NKAIN3: variants seen among roughly 807,000 people sequenced by gnomAD.
NKAIN3 encodes the protein sodium/potassium-transporting ATPase subunit beta-1-interacting protein 3.
Under a neutral mutation model 30.2 loss-of-function variants are expected in NKAIN3, and 25 were observed. The observed-to-expected ratio is 0.83, with a 90% CI of 0.60 to 1.16. NKAIN3 has a LOEUF of 1.16. Among genes scored for constraint, NKAIN3 ranks in the 50% most tolerant of loss-of-function variants. NKAIN3 has a pLI of 0.00. For missense variants in NKAIN3, 225 were observed against 254.1 expected (o/e 0.89, Z 0.78); for synonymous variants, 91 against 89.6 (o/e 1.02, Z -0.09).
chr8:62,374,740 T>C (rs1817023064), intron 1 of NKAIN3, among the ~76,000 whole-genome samples: 1 of 152,216 alleles, frequency 6.6e-6, no homozygotes, highest in Non-Finnish European at 1.5e-5. Flanking sequence ...CCCAAATCAA[T>C]AGAAATTCAA....
chr8:62,263,899 C>A (rs1428174790), intron 1 of NKAIN3, among the ~76,000 whole-genome samples: 3 of 152,162 alleles, frequency 2.0e-5, no homozygotes, highest in African/African-American at 7.2e-5. Context: ...ACAAGAAAGT[C>A]CTGAGTACGA....
chr8:62,641,453 C>G (rs1812306299), intron 3 of NKAIN3, among the ~76,000 whole-genome samples: 1 of 152,088 alleles, frequency 6.6e-6, no homozygotes, highest in African/African-American at 2.4e-5. Context: ...TATGAAATAC[C>G]TTATCACAAT....
intron 4 of NKAIN3, among the ~76,000 whole-genome samples, chr8:62,870,731 A>C (rs961462385): frequency 4.2e-5 from 6 of 143,394 alleles, no homozygotes; most frequent in Middle Eastern, 3.7e-3. Context: ...ATATCTATAT[A>C]TCTATATATA....
chr8:62,823,810 A>AAGGTAGTGTCATTCG (rs1818931835), intron 4 of NKAIN3, among the ~76,000 whole-genome samples: 4 of 152,050 alleles, frequency 2.6e-5, no homozygotes, highest in African/African-American at 4.8e-5. Flanking sequence ...AGTGTCATTC[A>AAGGTAGTGTCATTCG]GGCTCAAGGT....
intron 1 of NKAIN3, among the ~76,000 whole-genome samples, chr8:62,546,985 C>A (rs1177910566): frequency 6.6e-6 from 1 of 152,004 alleles, no homozygotes; most frequent in Admixed American, 6.6e-5. Context: ...TTGTGGAGAC[C>A]TGGTGCAGCT....
intron 5 of NKAIN3, among the ~76,000 whole-genome samples, chr8:62,925,406 T>C (rs1034136349): frequency 6.6e-6 from 1 of 152,136 alleles, no homozygotes; most frequent in African/African-American, 2.4e-5. Context: ...CATAATAAGG[T>C]ATTTGTGCAC....
intron 3 of NKAIN3, among the ~76,000 whole-genome samples, chr8:62,680,139 A>G (rs1243711551): frequency 6.6e-6 from 1 of 152,184 alleles, no homozygotes; most frequent in African/African-American, 2.4e-5. Flanking sequence ...AAAAGCCTCT[A>G]GAAGCTTAGA....
At chr8:62,928,911 C>A (rs1008145398) in intron 5 of NKAIN3, among the ~76,000 whole-genome samples, 1 of 152,102 alleles carries the variant, frequency 6.6e-6, no homozygotes, top group African/African-American at 2.4e-5. Context: ...ACAGGGAGAC[C>A]CCGAGTAGAA....
intron 4 of NKAIN3, among the ~76,000 whole-genome samples, chr8:62,771,256 C>T (rs1816998826): frequency 1.3e-5 from 2 of 151,980 alleles, no homozygotes; most frequent in South Asian, 4.2e-4. Flanking sequence ...AGCAAGATCC[C>T]ATCTCCACAA....
intron 1 of NKAIN3, among the ~76,000 whole-genome samples, chr8:62,383,922 G>A (rs61318422): frequency 6.7e-6 from 1 of 149,730 alleles, no homozygotes; most frequent in South Asian, 2.1e-4. Context: ...CTGGATTTAT[G>A]TATCTTGAAA....
At chr8:62,747,226 C>A in intron 4 of NKAIN3, 97 bp downstream of exon 4, 2 of 703,130 alleles carry the variant, frequency 2.8e-6, no homozygotes, top group South Asian at 1.9e-5. Flanking sequence ...CAGATAAGCA[C>A]ACAGAGAACA....
chr8:62,668,683 A>G (rs1813207153), intron 3 of NKAIN3, among the ~76,000 whole-genome samples: 1 of 152,224 alleles, frequency 6.6e-6, no homozygotes, highest in African/African-American at 2.4e-5. Flanking sequence ...ATTTGCTTAA[A>G]AATAAACCTG....
At chr8:62,336,082 T>C (rs554330283) in intron 1 of NKAIN3, among the ~76,000 whole-genome samples, 1 of 152,182 alleles carries the variant, frequency 6.6e-6, no homozygotes, top group Admixed American at 6.5e-5. Flanking sequence ...TAAAACCATA[T>C]TGTACAAGTA....
chr8:62,258,285 T>C (rs1189614691), intron 1 of NKAIN3, among the ~76,000 whole-genome samples: 1 of 152,230 alleles, frequency 6.6e-6, no homozygotes, highest in Non-Finnish European at 1.5e-5. Context: ...CAAATCTACA[T>C]GTGCATACTT....
chr8:62,663,855 A>G (rs1813018972), intron 3 of NKAIN3, among the ~76,000 whole-genome samples: 1 of 152,208 alleles, frequency 6.6e-6, no homozygotes, highest in Admixed American at 6.5e-5. Flanking sequence ...ATGATCCTCC[A>G]TGAGTATTTG....
At chr8:62,611,266 G>A (rs187888126) in intron 3 of NKAIN3, among the ~76,000 whole-genome samples, 334 of 152,086 alleles carry the variant, frequency 2.2e-3, no homozygotes, top group African/African-American at 7.4e-3. Flanking sequence ...AGCACAACAT[G>A]GAAAATGAGG....
In NKAIN3 at chr8:62,304,409, CT is replaced by C. The variant is rs996203260; in HGVS notation, c.54+55288del. On this transcript the variant is annotated intron_variant, in intron 1 of 6. Transcript: ENST00000623646. ...TTAGGACAAAGTAGTCATCTACATG[CT>C]TTTTTCCCCCTTTTAGTATGATTTG... 8.6e-5 allele frequency among the ~76,000 whole-genome samples: 13 copies of C among 150,426 alleles called. No individual in the cohort carries two copies. In the South Asian group the frequency reaches 2.5e-3, roughly 29 times the overall value.
At position 62,958,437 on chromosome 8, in the gene NKAIN3, A is replaced by T. The variant is rs955963513; in HGVS notation, c.603+4465A>T. 5.9e-5 allele frequency among the ~76,000 whole-genome samples: 9 copies of T among 152,070 alleles called. No individual in the cohort carries two copies. In the East Asian group the frequency reaches 1.2e-3, roughly 20 times the overall value. ...TCACCATAACTGCCATGGAGTCTCC[A>T]CCGGGATCTACTCCATCACCACCCC... On this transcript the variant is annotated intron_variant, in intron 6 of 6. Coordinates refer to ENST00000623646, the MANE Select transcript of NKAIN3 (RefSeq NM_001304533.3).
At chr8:62,620,493 C>T (rs146945372) in intron 3 of NKAIN3, among the ~76,000 whole-genome samples, 1 of 152,206 alleles carries the variant, frequency 6.6e-6, no homozygotes, top group East Asian at 1.9e-4. Flanking sequence ...TTAGCAATTT[C>T]CTCAACCAAC....
Sources: allele counts gnomAD v4.1 joint callset (sites outside exome capture counted in the v4.1 genomes callset), GRCh38; gene constraint gnomAD v4.1.1; transcripts MANE v1.5; gene names NCBI Gene and HGNC (gene_info 2026-07-23, HGNC 2026-07-21).